CLVS1: variants seen among roughly 807,000 people sequenced by gnomAD.
CLVS1 encodes clavesin 1.
CLVS1 carries 10 observed loss-of-function variants against 33.1 expected under a neutral mutation model. The observed-to-expected ratio is 0.30, with a 90% CI of 0.19 to 0.51. The LOEUF (loss-of-function observed/expected upper bound fraction) is 0.51. Among genes scored for constraint, CLVS1 ranks in the 20% least tolerant of loss-of-function variants. The pLI is 0.97. For missense variants in CLVS1, 343 were observed against 433.4 expected, an observed-to-expected ratio of 0.79 and a Z score of 1.85; for synonymous variants, 163 against 166.1, an observed-to-expected ratio of 0.98 and a Z score of 0.14.
At chr8:61,380,405 T>C (rs565871666) in intron 3 of CLVS1, among the ~76,000 whole-genome samples, 1 of 152,330 alleles carries the variant, frequency 6.6e-6, no homozygotes, top group South Asian at 2.1e-4. Flanking sequence ...TCAAAATTTA[T>C]CTTGTATCAG....
intron 2 of CLVS1, among the ~76,000 whole-genome samples, chr8:61,201,828 T>A (rs1807739188): frequency 6.6e-6 from 1 of 152,198 alleles, no homozygotes; most frequent in Non-Finnish European, 1.5e-5. Context: ...ATAAATTTAA[T>A]TTACTCAGCA....
At chr8:61,053,860 C>T (rs1804427338), upstream of CLVS1, among the ~76,000 whole-genome samples, 1 of 152,178 alleles carries the variant, frequency 6.6e-6, no homozygotes, top group South Asian at 2.1e-4. Flanking sequence ...AGACATCCTA[C>T]CTGTCGGGTG....
intron 2 of CLVS1, among the ~76,000 whole-genome samples, chr8:61,213,644 C>T (rs893634595): frequency 7.9e-5 from 12 of 152,074 alleles, no homozygotes; most frequent in Non-Finnish European, 8.8e-5. Flanking sequence ...TTCCTACACC[C>T]GTCTTTACTT....
rs73257389 is a variant in CLVS1, at chr8:61,437,095, A to G, written c.631-17046A>G. On this transcript the variant is annotated intron_variant, in intron 3 of 5. Transcript: ENST00000325897. ...TCTATCAAGGTAAGTTTAGACAAAA[A>G]TCATTAAATTCCTTTGTGGTACTGC... Among the ~76,000 whole-genome samples the G allele has an allele frequency of 6.3e-3, 955 of 152,288 alleles. 4 individuals carry two copies. The highest frequency in any genetic ancestry group is 0.022 in the African/African-American group (927 of 41,556).
chr8:61,228,006 C>T (rs1220189010), intron 2 of CLVS1, among the ~76,000 whole-genome samples: 1 of 152,048 alleles, frequency 6.6e-6, no homozygotes, highest in African/African-American at 2.4e-5. Context: ...GATGTGAAGA[C>T]AAAAAACGAG....
At chr8:60,993,862 CT>C in the CLVS1 span, among the ~76,000 whole-genome samples, 1 of 152,186 alleles carries the variant, frequency 6.6e-6, no homozygotes, top group East Asian at 1.9e-4. Context: ...ATGCCATTTT[CT>C]TTTCAAGGCC....
chr8:61,410,778 A>AGG (rs1467248247), intron 3 of CLVS1, among the ~76,000 whole-genome samples: 3 of 152,122 alleles, frequency 2.0e-5, no homozygotes, highest in Non-Finnish European at 4.4e-5. Context: ...AGTAGCTGGG[A>AGG]CTACAGGCGT....
chr8:61,281,768 A>T (rs758163660), intron 2 of CLVS1, among the ~76,000 whole-genome samples: 1 of 152,264 alleles, frequency 6.6e-6, no homozygotes, highest in South Asian at 2.1e-4. Context: ...TCTTCAAGGT[A>T]TCCACTTATC....
chr8:60,975,180 G>T, the CLVS1 span, among the ~76,000 whole-genome samples: 10 of 152,270 alleles, frequency 6.6e-5, no homozygotes, highest in Admixed American at 2.6e-4. Flanking sequence ...ACAGGATTTA[G>T]AACCTGTGTC....
chr8:61,008,056 T>C, the CLVS1 span, among the ~76,000 whole-genome samples: 2 of 152,158 alleles, frequency 1.3e-5, no homozygotes, highest in Non-Finnish European at 2.9e-5. Context: ...ATGTGCTTAG[T>C]TGATGGGTCA....
At chr8:61,087,585 G>A (rs1805150401) in intron 1 of CLVS1, among the ~76,000 whole-genome samples, 1 of 152,160 alleles carries the variant, frequency 6.6e-6, no homozygotes, top group Non-Finnish European at 1.5e-5. Context: ...TGCCTGGTGG[G>A]AGGAAGTGAG....
At chr8:61,151,951 C>G (rs1308770883) in intron 2 of CLVS1, among the ~76,000 whole-genome samples, 1 of 152,152 alleles carries the variant, frequency 6.6e-6, no homozygotes, top group East Asian at 1.9e-4. Flanking sequence ...AACATCCTAA[C>G]CTTTGCTCTT....
At chr8:61,328,226 T>G (rs1413236538) in intron 2 of CLVS1, among the ~76,000 whole-genome samples, 2 of 152,192 alleles carry the variant, frequency 1.3e-5, no homozygotes, top group African/African-American at 4.8e-5. Flanking sequence ...TTTTGCTGCC[T>G]TCTGATCCAG....
chr8:61,406,624 G>C (rs529258355), intron 3 of CLVS1, among the ~76,000 whole-genome samples: 3 of 151,794 alleles, frequency 2.0e-5, no homozygotes, highest in African/African-American at 4.8e-5. Context: ...TTTGTGGGGG[G>C]GGGGATGGAG....
chr8:61,289,162 G>A (rs1051227015), intron 1 of CLVS1, among the ~76,000 whole-genome samples: 1 of 152,212 alleles, frequency 6.6e-6, no homozygotes, highest in African/African-American at 2.4e-5. Flanking sequence ...AGATTTGGAA[G>A]GCGAGATTTT....
At chr8:61,346,706 G>A (rs1387889431) in intron 2 of CLVS1, among the ~76,000 whole-genome samples, 1 of 152,128 alleles carries the variant, frequency 6.6e-6, no homozygotes, top group South Asian at 2.1e-4. Flanking sequence ...CCTGTGTAAG[G>A]CATGGTGCCA....
In CLVS1 at chr8:61,063,587, A is replaced by G. The variant is rs190452745; in HGVS notation, c.-243+6357A>G. 1.1e-4 allele frequency among the ~76,000 whole-genome samples: 16 copies of G among 152,308 alleles called. No individual in the cohort carries two copies. The East Asian group carries it at 2.5e-3, about 24-fold the overall frequency. On this transcript the variant is annotated intron_variant, in intron 1 of 2. Transcript: ENST00000522621. ...GCAGGACCCAGTACAGGTAAAGCCTAGTGGAGGTGAGGGATTTGATCTGAG... is the reference window on the plus strand; with the variant it reads ...GCAGGACCCAGTACAGGTAAAGCCTGGTGGAGGTGAGGGATTTGATCTGAG...
intron 2 of CLVS1, chr8:61,202,231 G>A (rs1434064182): frequency 4.1e-6 from 2 of 489,110 alleles, no homozygotes; most frequent in Non-Finnish European, 7.5e-6. Flanking sequence ...TCTTTATCAT[G>A]GCTAGCAGAT....
chr8:61,087,500 G>A lies in CLVS1; in HGVS notation c.-243+30270G>A, dbSNP rs140390199. Among the ~76,000 whole-genome samples the A allele has an allele frequency of 1.6e-4, 25 of 152,316 alleles. No homozygotes were observed. In the East Asian group the frequency reaches 4.8e-3, roughly 29 times the overall value. Reference sequence around the variant, plus strand: ...CATGCTCCAACTCAGAGGAGGATTTGTTAGGAGCTGCAGGGGTTGGCTGTG... The same window carrying A: ...CATGCTCCAACTCAGAGGAGGATTTATTAGGAGCTGCAGGGGTTGGCTGTG... On this transcript the variant is annotated intron_variant, in intron 1 of 2. Coordinates refer to the CLVS1 transcript ENST00000522621.
Sources: allele counts gnomAD v4.1 joint callset (sites outside exome capture counted in the v4.1 genomes callset), GRCh38; gene constraint gnomAD v4.1.1; transcripts MANE v1.5; gene names NCBI Gene and HGNC (gene_info 2026-07-23, HGNC 2026-07-21).